Variants in BPHL observed in about 807,000 individuals in gnomAD.
BPHL encodes serine hydrolase BPHL.
BPHL carries 27 observed loss-of-function variants against 31.2 expected under a neutral mutation model. The observed-to-expected ratio is 0.87, with a 90% CI of 0.64 to 1.19. The LOEUF (loss-of-function observed/expected upper bound fraction) is 1.19, where lower values mean the gene tolerates loss of function less well. Among genes scored for constraint, BPHL ranks in the 50% most tolerant of loss-of-function variants. BPHL has a pLI of 0.00. For synonymous variants in BPHL, 150 were observed against 146.8 expected, an observed-to-expected ratio of 1.02 and a Z score of -0.16; for missense variants, 356 against 375.7, an observed-to-expected ratio of 0.95 and a Z score of 0.43.
At chr6:3,119,335 A>T (rs1380934120) in intron 1 of BPHL, 2 of 1,554,730 alleles carry the variant, frequency 1.3e-6, no homozygotes, top group Non-Finnish European at 1.7e-6. Context: ...GGGTCCCGAG[A>T]GCCCTAAGTC....
chr6:3,120,209 G>C (rs1227389878), intron 1 of BPHL, among the ~76,000 whole-genome samples: 1 of 151,936 alleles, frequency 6.6e-6, no homozygotes, highest in Non-Finnish European at 1.5e-5. Flanking sequence ...TAATTTTTGT[G>C]TTTTTAGTAG....
chr6:3,148,539 G>T (rs751443726), intron 6 of BPHL, among the ~76,000 whole-genome samples: 56 of 152,224 alleles, frequency 3.7e-4, no homozygotes, highest in Non-Finnish European at 7.1e-4. Context: ...TTCCGTTCTG[G>T]ACTGCCTCCA....
In BPHL at chr6:3,118,748, C is replaced by T. The variant is rs1761462571; in HGVS notation, c.8C>T (p.Ala3Val). 7.9e-7 allele frequency: 1 copy of T among 1,260,272 alleles called. No individual in the cohort carries two copies. The highest frequency in any genetic ancestry group is 1.5e-5 in the African/African-American group (1 of 64,716). 78.1% of individuals were successfully genotyped at this position (1,260,272 alleles called of 1,614,324 possible). A position where few individuals can be genotyped will look rare whatever the true frequency, so the allele number is the denominator to read the frequency against. Reference protein sequence around the residue: MVAVLGGRGVLRL... With the variant: MVVVLGGRGVLRL... ...GCTACGCGACCTGTGACCATGGTGGCTGTGCTGGGCGGCCGGGGCGTGTTG... is the reference window on the plus strand; with the variant it reads ...GCTACGCGACCTGTGACCATGGTGGTTGTGCTGGGCGGCCGGGGCGTGTTG... Residue 3 changes from alanine (A) to valine (V), a missense_variant, in exon 1 of 7, where the codon GCT becomes GTT. Ala to Val is a moderately conservative substitution (Grantham distance 64). Coordinates refer to ENST00000380379, the MANE Select transcript of BPHL (RefSeq NM_004332.4).
intron 6 of BPHL, among the ~76,000 whole-genome samples, chr6:3,141,849 C>G (rs1009675021): frequency 2.0e-5 from 3 of 151,800 alleles, no homozygotes; most frequent in Non-Finnish European, 4.4e-5. Context: ...TGGCGGGTGC[C>G]TGTAACCCCA....
intron 1 of BPHL, among the ~76,000 whole-genome samples, chr6:3,123,087 C>T (rs1761619251): frequency 6.6e-6 from 1 of 152,240 alleles, no homozygotes; most frequent in African/African-American, 2.4e-5. Flanking sequence ...AGCAAGCCGC[C>T]TAGGGTTTTT....
intron 6 of BPHL, among the ~76,000 whole-genome samples, chr6:3,150,387 GA>G (rs1762488920): frequency 6.6e-6 from 1 of 152,178 alleles, no homozygotes; most frequent in African/African-American, 2.4e-5. Flanking sequence ...TGACCTAAAA[GA>G]GCTGTATCAA....
At position 3,152,472 on chromosome 6, in the gene BPHL, T is replaced by C. The variant is rs930666256; in HGVS notation, c.789-16T>C. Reference sequence around the variant, plus strand: ...GGTGGGCCATTGACCCAAAGTATTTTTAATTCCTTTTTTAGGCTGCATTTG... The same window carrying C: ...GGTGGGCCATTGACCCAAAGTATTTCTAATTCCTTTTTTAGGCTGCATTTG... On this transcript the variant is annotated splice_polypyrimidine_tract_variant and intron_variant, in intron 6 of 6. Coordinates refer to ENST00000380379, the MANE Select transcript of BPHL (RefSeq NM_004332.4). 1.2e-6 allele frequency: 2 copies of C among 1,611,984 alleles called. No homozygotes were observed. The highest frequency in any genetic ancestry group is 2.7e-5 in the African/African-American group (2 of 74,986).
chr6:3,133,962 G>A (rs1205152715), intron 4 of BPHL, among the ~76,000 whole-genome samples: 2 of 152,144 alleles, frequency 1.3e-5, no homozygotes, highest in Non-Finnish European at 2.9e-5. Context: ...TTAACTTTTA[G>A]CTCTTCAACA....
intron 4 of BPHL, among the ~76,000 whole-genome samples, chr6:3,132,035 A>G (rs1282604460): frequency 6.6e-6 from 1 of 152,050 alleles, no homozygotes; most frequent in Non-Finnish European, 1.5e-5. Flanking sequence ...AGTTGCTCTG[A>G]CTTTCCTTTC....
intron 4 of BPHL, among the ~76,000 whole-genome samples, chr6:3,136,066 C>T (rs1561794627): frequency 2.6e-5 from 4 of 152,228 alleles, no homozygotes; most frequent in African/African-American, 9.7e-5. Context: ...CACACTCATA[C>T]ACACTCACAC....
chr6:3,127,559 A>G (rs1388809758), intron 3 of BPHL, 151 bp downstream of exon 3: 2 of 589,792 alleles, frequency 3.4e-6, no homozygotes, highest in Middle Eastern at 5.0e-4. Context: ...ATAAAGAAGA[A>G]AGTAGAAATA....
intron 2 of BPHL, among the ~76,000 whole-genome samples, chr6:3,125,392 A>T (rs575964602): frequency 8.2e-5 from 11 of 134,320 alleles, no homozygotes; most frequent in Non-Finnish European, 1.3e-4. Context: ...TTCCAATATT[A>T]AAAAAAATGG....
chr6:3,126,549 G>A lies in BPHL; in HGVS notation c.212-693G>A, dbSNP rs1463877568. On this transcript the variant is annotated intron_variant, in intron 2 of 6. Coordinates refer to ENST00000380379, the MANE Select transcript of BPHL (RefSeq NM_004332.4). ...AATAGCCACCAGGGGGAGGTCGGAG[G>A]CAGGCCTGCACTCCGCCGGGAAAGG... Among the ~76,000 whole-genome samples, 4 of 150,684 alleles carry A rather than the reference G, an allele frequency of 2.7e-5. No homozygotes were observed. The South Asian group carries it at 8.4e-4, about 32-fold the overall frequency.
chr6:3,136,271 C>G lies in BPHL; in HGVS notation c.533-1091C>G, dbSNP rs570135959. Among the ~76,000 whole-genome samples, 3 of 152,296 alleles carry G rather than the reference C, an allele frequency of 2.0e-5. No individual in the cohort carries two copies. The South Asian group carries it at 6.2e-4, about 32-fold the overall frequency. On this transcript the variant is annotated intron_variant, in intron 4 of 6. Transcript: ENST00000380379. ...TTGCTTCTCTCTCCCTTACCCTCCG[C>G]CCCCAAATGTTTTCTTCTTCCTACA...
chr6:3,145,056 T>C (rs573291597), intron 6 of BPHL, among the ~76,000 whole-genome samples: 3 of 150,922 alleles, frequency 2.0e-5, no homozygotes, highest in Admixed American at 1.3e-4. Context: ...AATGCTGGTG[T>C]GGGTTGGAGT....
intron 6 of BPHL, among the ~76,000 whole-genome samples, chr6:3,143,411 TCTCTC>T (rs1352606537): frequency 6.6e-6 from 1 of 152,190 alleles, no homozygotes; most frequent in Non-Finnish European, 1.5e-5. Flanking sequence ...CTTTCTCTCT[TCTCTC>T]TTTGTGGTAG....
At chr6:3,151,954 T>C (rs1439936690) in intron 6 of BPHL, among the ~76,000 whole-genome samples, 4 of 152,178 alleles carry the variant, frequency 2.6e-5, no homozygotes, top group Non-Finnish European at 5.9e-5. Flanking sequence ...GATGTATTTG[T>C]TCAGTAATCC....
At chr6:3,144,795 T>C (rs1762280647) in intron 6 of BPHL, among the ~76,000 whole-genome samples, 1 of 152,128 alleles carries the variant, frequency 6.6e-6, no homozygotes, top group Non-Finnish European at 1.5e-5. Flanking sequence ...CTGAACATGC[T>C]CAGTGCATGT....
intron 6 of BPHL, among the ~76,000 whole-genome samples, chr6:3,150,596 T>A (rs1025894024): frequency 5.3e-5 from 8 of 152,220 alleles, no homozygotes; most frequent in Non-Finnish European, 1.0e-4. Context: ...TTCCTACTAA[T>A]TTTTCGGAGA....
Sources: gnomAD v4.1 joint callset for allele counts (sites outside exome capture counted in the v4.1 genomes callset) on GRCh38, gnomAD v4.1.1 for gene constraint, MANE v1.5 for transcripts, NCBI Gene and HGNC (gene_info 2026-07-23, HGNC 2026-07-21) for gene names.